EPHA4: variants seen among roughly 807,000 people sequenced by gnomAD.
EPHA4 encodes EPH receptor A4.
EPHA4 carries 19 observed loss-of-function variants against 108.3 expected under a neutral mutation model. The ratio of observed to expected loss-of-function variants is 0.18; its 90% CI spans 0.12 to 0.26. The LOEUF is 0.26. EPHA4 is among the 10% of genes least tolerant of loss of function. The pLI, the probability that EPHA4 is intolerant of heterozygous loss-of-function variation, is 1.00. For synonymous variants in EPHA4, 449 were observed against 455.5 expected, an observed-to-expected ratio of 0.99 and a Z score of 0.18; for missense variants, 917 against 1,254.0, an observed-to-expected ratio of 0.73 and a Z score of 4.06.
intron 11 of EPHA4, among the ~76,000 whole-genome samples, chr2:221,442,566 T>G (rs1183656056): frequency 1.3e-5 from 2 of 152,146 alleles, no homozygotes; most frequent in African/African-American, 4.8e-5. Context: ...CTAGCAAATA[T>G]CTGAAGGATG....
chr2:221,519,143 G>T (rs928357599), intron 3 of EPHA4, among the ~76,000 whole-genome samples: 1 of 152,078 alleles, frequency 6.6e-6, no homozygotes, highest in Non-Finnish European at 1.5e-5. Context: ...CTTGGCAAAG[G>T]TTCCTTTACT....
chr2:221,518,019 A>G (rs533472628), intron 3 of EPHA4, among the ~76,000 whole-genome samples: 4 of 152,234 alleles, frequency 2.6e-5, no homozygotes, highest in Non-Finnish European at 5.9e-5. Context: ...TCAGGTTGAC[A>G]TTAGGTAGCT....
chr2:221,472,584 T>G (rs983698202), intron 5 of EPHA4, among the ~76,000 whole-genome samples: 7 of 152,096 alleles, frequency 4.6e-5, no homozygotes, highest in Admixed American at 2.0e-4. Flanking sequence ...TTTAAAAAAC[T>G]TATCTGTCCC....
intron 3 of EPHA4, among the ~76,000 whole-genome samples, chr2:221,544,687 AT>A (rs1693936621): frequency 6.6e-6 from 1 of 152,180 alleles, no homozygotes; most frequent in Non-Finnish European, 1.5e-5. Context: ...AATGAATTGT[AT>A]CCCCCCTCCA....
chr2:221,446,939 T>C (rs1690611305), intron 8 of EPHA4, among the ~76,000 whole-genome samples: 1 of 152,220 alleles, frequency 6.6e-6, no homozygotes. Flanking sequence ...CAACTTTTAA[T>C]AGCCTAAATT....
At chr2:221,422,281 G>A (rs1047966957) in intron 17 of EPHA4, among the ~76,000 whole-genome samples, 9 of 152,126 alleles carry the variant, frequency 5.9e-5, no homozygotes, top group African/African-American at 2.2e-4. Flanking sequence ...CATCAGGTGG[G>A]CAGGTATTTA....
chr2:221,543,392 G>T (rs947259617), intron 3 of EPHA4, among the ~76,000 whole-genome samples: 1 of 152,270 alleles, frequency 6.6e-6, no homozygotes, highest in East Asian at 1.9e-4. Flanking sequence ...GTACATCAAA[G>T]AAAGTCTGGA....
rs1691860174 is a variant in EPHA4, at chr2:221,482,679, C to T, written c.991G>A (p.Ala331Thr). 1.3e-6 allele frequency: 2 copies of T among 1,593,778 alleles called. No individual in the cohort carries two copies. Among genetic ancestry groups the T allele is most frequent in the Non-Finnish European group, 1.7e-6 (2 of 1,164,510 alleles). The change falls in exon 5 of 18, where the codon GCT becomes ACT. Residue 331 changes from alanine (A) to threonine (T), a missense_variant. Ala to Thr is a moderately conservative substitution (Grantham distance 58). Around this residue, in one of 3 missense-constraint regions of EPHA4, gnomAD observed 758 missense variants for 1,076.7 expected, o/e 0.70. Coordinates refer to ENST00000281821, the MANE Select transcript of EPHA4 (RefSeq NM_004438.5). Reference sequence around the variant, plus strand: ...ACATTTGAAATCAAGTTCAGGGGAGCAGATGGTGGACCTGGAGAAAGAAAA... The same window carrying T: ...ACATTTGAAATCAAGTTCAGGGGAGTAGATGGTGGACCTGGAGAAAGAAAA... ...ASMPCTRPPS[A>T]PLNLISNVNE...
Position 221,499,756 on chromosome 2 carries a change from ATTT to A in EPHA4, c.979+1258_979+1260del, listed in dbSNP as rs575017779. Among the ~76,000 whole-genome samples the A allele has an allele frequency of 6.8e-3, 177 of 26,142 alleles. 1 individual carries two copies. The highest frequency in any genetic ancestry group is 0.023 in the African/African-American group (145 of 6,228). 17.2% of individuals were successfully genotyped at this position (26,142 alleles called of 152,430 possible). A position where few individuals can be genotyped will look rare whatever the true frequency, so the allele number is the denominator to read the frequency against. ...TATATATATATATATATATATATATATTTTTTTTTTTTTTTTTTGAGACAGAGT... is the reference window on the plus strand; with the variant it reads ...TATATATATATATATATATATATATATTTTTTTTTTTTTTTGAGACAGAGT... On this transcript the variant is annotated intron_variant, in intron 4 of 17. Coordinates refer to ENST00000281821, the MANE Select transcript of EPHA4 (RefSeq NM_004438.5).
chr2:221,497,596 G>A (rs1692336854), intron 4 of EPHA4, among the ~76,000 whole-genome samples: 1 of 151,942 alleles, frequency 6.6e-6, no homozygotes, highest in Admixed American at 6.6e-5. Flanking sequence ...AACAAAAACA[G>A]GTGTGGTGGT....
chr2:221,477,007 G>A (rs189129167), intron 5 of EPHA4, among the ~76,000 whole-genome samples: 1 of 151,944 alleles, frequency 6.6e-6, no homozygotes, highest in African/African-American at 2.4e-5. Context: ...GACTACATGT[G>A]GCACAGTGGC....
At chr2:221,513,939 G>C (rs1188994789) in intron 3 of EPHA4, among the ~76,000 whole-genome samples, 1 of 152,088 alleles carries the variant, frequency 6.6e-6, no homozygotes, top group African/African-American at 2.4e-5. Context: ...GTCTGTTTTT[G>C]GTACAGTACA....
At chr2:221,542,783 G>A (rs1323984820) in intron 3 of EPHA4, among the ~76,000 whole-genome samples, 2 of 152,296 alleles carry the variant, frequency 1.3e-5, no homozygotes, top group African/African-American at 4.8e-5. Flanking sequence ...ATGTTAAAGG[G>A]TAGCTGCCAA....
At chr2:221,498,245 C>T (rs1415746220) in intron 4 of EPHA4, among the ~76,000 whole-genome samples, 1 of 152,138 alleles carries the variant, frequency 6.6e-6, no homozygotes, top group Non-Finnish European at 1.5e-5. Context: ...TTTCATGACA[C>T]TCATAATACA....
intron 3 of EPHA4, among the ~76,000 whole-genome samples, chr2:221,540,666 C>T (rs1219349804): frequency 2.0e-5 from 3 of 152,188 alleles, no homozygotes; most frequent in Non-Finnish European, 2.9e-5. Context: ...ATTCCAGTCC[C>T]TGCAACTGGA....
chr2:221,519,324 G>A (rs1693091033), intron 3 of EPHA4, among the ~76,000 whole-genome samples: 1 of 152,078 alleles, frequency 6.6e-6, no homozygotes, highest in African/African-American at 2.4e-5. Flanking sequence ...AAGTTTTCTC[G>A]TCGAACTTTA....
At chr2:221,572,672 T>A (rs1694887625), upstream of EPHA4, 1 of 155,008 alleles carries the variant, frequency 6.5e-6, no homozygotes, top group Non-Finnish European at 1.4e-5. Flanking sequence ...ACGGGCGGTT[T>A]AAGATGGAGG....
intron 3 of EPHA4, among the ~76,000 whole-genome samples, chr2:221,504,272 T>A (rs1304282740): frequency 6.6e-6 from 1 of 152,196 alleles, no homozygotes; most frequent in Non-Finnish European, 1.5e-5. Flanking sequence ...ACACGTATGA[T>A]GCAAACTTTG....
At chr2:221,430,346 C>T (rs1298637513) in intron 14 of EPHA4, among the ~76,000 whole-genome samples, 195 bp from the exon 15 acceptor site, 1 of 152,162 alleles carries the variant, frequency 6.6e-6, no homozygotes, top group African/African-American at 2.4e-5. Context: ...AGCTGTTGCA[C>T]TGAGGTGTAC....
Sources: gnomAD v4.1 joint callset for allele counts (sites outside exome capture counted in the v4.1 genomes callset) on GRCh38, gnomAD v4.1.1 for gene constraint, gnomAD v4.1.1 regional missense constraint, MANE v1.5 for transcripts, NCBI Gene and HGNC (gene_info 2026-07-23, HGNC 2026-07-21) for gene names.